The following SRP54 variants were observed in gnomAD, a reference collection of about 807,000 sequenced individuals.
SRP54 encodes the protein signal recognition particle subunit SRP54.
In SRP54, 10 loss-of-function variants were observed where a neutral mutation model predicts 64.8. That is an observed-to-expected ratio of 0.15 (90% CI 0.10 to 0.26). SRP54 has a LOEUF of 0.26. Among genes scored for constraint, SRP54 ranks in the 10% least tolerant of loss-of-function variants. The pLI is 1.00. For missense variants in SRP54, 325 were observed against 613.7 expected (o/e 0.53, Z 4.97); for synonymous variants, 193 against 185.6 (o/e 1.04, Z -0.32).
At chr14:35,025,888 C>T (rs749448164) in intron 14 of SRP54, among the ~76,000 whole-genome samples, 3 of 151,562 alleles carry the variant, frequency 2.0e-5, no homozygotes, top group Non-Finnish European at 4.4e-5. Context: ...TAGTTAATGC[C>T]CCTTTCAAAT....
intron 1 of SRP54, among the ~76,000 whole-genome samples, chr14:34,985,020 G>A (rs557947650): frequency 2.0e-5 from 3 of 151,460 alleles, no homozygotes; most frequent in South Asian, 4.2e-4. Context: ...TGTGATACAA[G>A]TAGGTTAAAT....
At chr14:34,998,995 G>GTA (rs2044121858) in intron 2 of SRP54, among the ~76,000 whole-genome samples, 1 of 93,556 alleles carries the variant, frequency 1.1e-5, no homozygotes, top group Non-Finnish European at 2.3e-5. Flanking sequence ...GTGTGTGTGT[G>GTA]TGTGTGTGTG....
At chr14:35,003,062 A>G (rs1278180268) in intron 4 of SRP54, among the ~76,000 whole-genome samples, 1 of 152,010 alleles carries the variant, frequency 6.6e-6, no homozygotes, top group Non-Finnish European at 1.5e-5. Flanking sequence ...TTTTATTGTT[A>G]GGGGCTCGTA....
chr14:35,008,543 A>T, intron 5 of SRP54, 84 bp from the exon 6 acceptor site: 1 of 911,804 alleles, frequency 1.1e-6, no homozygotes, highest in Non-Finnish European at 1.5e-6. Flanking sequence ...CTCCTTAGGT[A>T]AATAATAAGG....
chr14:34,988,327 G>A (rs1320672712), intron 1 of SRP54, among the ~76,000 whole-genome samples: 2 of 151,368 alleles, frequency 1.3e-5, no homozygotes, highest in Non-Finnish European at 2.9e-5. Context: ...ACTTTGGGAG[G>A]CTGAGGTGGG....
chr14:34,984,015 A>G (rs1296699526), intron 1 of SRP54, among the ~76,000 whole-genome samples: 2 of 152,194 alleles, frequency 1.3e-5, no homozygotes, highest in African/African-American at 4.8e-5. Context: ...TTTGAGGAAG[A>G]AAGGAGATTA....
chr14:35,004,966 C>G (rs1254110166), intron 4 of SRP54, among the ~76,000 whole-genome samples: 1 of 152,148 alleles, frequency 6.6e-6, no homozygotes, highest in Non-Finnish European at 1.5e-5. Context: ...GGCAGACTTT[C>G]TCTCAAAGGT....
At chr14:35,007,201 GAAAA>G (rs921501443) in intron 4 of SRP54, 78 bp from the exon 5 acceptor site, 9 of 917,208 alleles carry the variant, frequency 9.8e-6, no homozygotes, top group Middle Eastern at 3.2e-4. Context: ...CTCAAAAAAG[GAAAA>G]AAAAGTTGTG....
chr14:34,986,831 A>G (rs1294222061), intron 1 of SRP54, among the ~76,000 whole-genome samples: 1 of 151,872 alleles, frequency 6.6e-6, no homozygotes, highest in Non-Finnish European at 1.5e-5. Context: ...GTGAGCCGAG[A>G]TTGTGCCACT....
At chr14:35,019,175 C>A (rs2044486828) in intron 13 of SRP54, 101 bp downstream of exon 13, 1 of 771,848 alleles carries the variant, frequency 1.3e-6, no homozygotes, top group Non-Finnish European at 2.1e-6. Context: ...GAAATTTAGC[C>A]TGAAAGATTA....
chr14:34,994,149 A>G (rs1019121353), intron 1 of SRP54, among the ~76,000 whole-genome samples: 1 of 151,710 alleles, frequency 6.6e-6, no homozygotes, highest in African/African-American at 2.4e-5. Flanking sequence ...GCCTGCCACC[A>G]TGCCCAGCTA....
intron 4 of SRP54, among the ~76,000 whole-genome samples, chr14:35,003,522 G>C (rs2044209400): frequency 9.2e-5 from 14 of 151,758 alleles, no homozygotes. Context: ...CTACAGGCAT[G>C]CACCACCATG....
In SRP54 at chr14:35,019,000, G is replaced by A. The variant is rs998553668; in HGVS notation, c.1082G>A (p.Ser361Asn). The A allele has an allele frequency of 1.2e-6, 2 of 1,613,840 alleles. No individual in the cohort carries two copies. The highest frequency in any genetic ancestry group is 1.7e-6 in the Non-Finnish European group (2 of 1,179,870). Residue 361 changes from serine (S) to asparagine (N), a missense_variant, in exon 13 of 16, where the codon AGC (serine) becomes AAC (asparagine). Ser to Asn is a conservative substitution (Grantham distance 46). This residue lies in a region of SRP54 where 146 missense variants were observed against 337.4 expected (regional missense o/e 0.43). Transcript: ENST00000216774. ...MIPGFGTDFM[S>N]KGNEQESMAR... Reference sequence around the variant, plus strand: ...CCTGGTTTTGGGACAGATTTTATGAGCAAAGGAAATGAACAGGAGTCAATG... The same window carrying A: ...CCTGGTTTTGGGACAGATTTTATGAACAAAGGAAATGAACAGGAGTCAATG...
In SRP54 at chr14:35,020,931, C is replaced by T. The variant is rs556459434; in HGVS notation, c.1156+1857C>T. ...TTCCTTCCTTCTTTGAATTAACGCC[C>T]CTTCCTCTATTTGCTTAACTCTGTC... On this transcript the variant is annotated intron_variant, in intron 13 of 15. Transcript: ENST00000216774. Among the ~76,000 whole-genome samples, 3 of 152,276 alleles carry T rather than the reference C, an allele frequency of 2.0e-5. No homozygotes were observed. The South Asian group carries it at 6.2e-4, about 32-fold the overall frequency.
intron 1 of SRP54, among the ~76,000 whole-genome samples, chr14:34,994,537 A>G (rs2044035707): frequency 6.6e-6 from 1 of 152,126 alleles, no homozygotes; most frequent in South Asian, 2.1e-4. Flanking sequence ...TCCTAAGCAG[A>G]ATGTTTTGTT....
intron 1 of SRP54, among the ~76,000 whole-genome samples, chr14:34,994,019 A>C (rs115242662): frequency 6.9e-6 from 1 of 145,130 alleles, no homozygotes; most frequent in African/African-American, 2.6e-5. Flanking sequence ...TTTAATACGG[A>C]CTTTCTCTCT....
chr14:34,987,246 AATATAT>A (rs1555352659), intron 1 of SRP54, among the ~76,000 whole-genome samples: 4 of 110,074 alleles, frequency 3.6e-5, no homozygotes, highest in African/African-American at 1.1e-4. Flanking sequence ...AAAAAAAAAA[AATATAT>A]ATATATATGT....
At chr14:35,019,306 G>C (rs900489840) in intron 13 of SRP54, 1 of 340,240 alleles carries the variant, frequency 2.9e-6, no homozygotes, top group African/African-American at 2.1e-5. Context: ...TACAAGGAAA[G>C]AACACTAGTT....
rs12891473 is a variant in SRP54, at chr14:34,983,051, T to C, written c.-198T>C. The C allele has an allele frequency of 0.5, 75,986 of 152,124 alleles. 19,990 individuals carry two copies. Among genetic ancestry groups the C allele is most frequent in the East Asian group, 0.69 (3,561 of 5,158 alleles). 9.4% of individuals were successfully genotyped at this position (152,124 alleles called of 1,614,324 possible). ...TTCCAGCTGGTGGGAGTTGACGACG[T>C]GGTGCTGGGCGTTGGGACCCTACTT... is the stretch of plus-strand genomic sequence containing the variant. On this transcript the variant is annotated 5_prime_UTR_variant, in exon 1 of 16. Coordinates refer to ENST00000216774, the MANE Select transcript of SRP54 (RefSeq NM_003136.4).
Sources: allele counts gnomAD v4.1 joint callset (sites outside exome capture counted in the v4.1 genomes callset), GRCh38; gene constraint gnomAD v4.1.1; regional missense constraint gnomAD v4.1.1; transcripts MANE v1.5; gene names NCBI Gene and HGNC (gene_info 2026-07-23, HGNC 2026-07-21).